The following SUCLG1 variants were observed in gnomAD, a reference collection of about 807,000 sequenced individuals.
SUCLG1 encodes the protein succinate--CoA ligase [ADP/GDP-forming] subunit alpha, mitochondrial.
Under a neutral mutation model 37.3 loss-of-function variants are expected in SUCLG1, and 26 were observed. The ratio of observed to expected loss-of-function variants is 0.70; its 90% confidence interval spans 0.51 to 0.97. The LOEUF is 0.97. Ranked by LOEUF, SUCLG1 falls within the 50% of genes least tolerant of loss-of-function variation. The pLI is 0.00. For synonymous variants in SUCLG1, 163 were observed against 155.6 expected, an observed-to-expected ratio of 1.05 and a Z score of -0.36; for missense variants, 433 against 432.9, an observed-to-expected ratio of 1.00 and a Z score of 0.00.
Position 84,449,348 on chromosome 2 carries a change from C to G in SUCLG1, c.201+301G>C, listed in dbSNP as rs6739363. On this transcript the variant is annotated intron_variant, in intron 2 of 8. Coordinates refer to ENST00000393868, the MANE Select transcript of SUCLG1 (RefSeq NM_003849.4). ...TGCTTAGTCAAAGAAACGGTGATCT[C>G]TTTCAACACTGGAGGAAAATCATTA... is the stretch of plus-strand genomic sequence containing the variant. Among the ~76,000 whole-genome samples, 8,138 of 152,190 alleles carry G rather than the reference C, an allele frequency of 0.053. 478 individuals are homozygous for G. Among genetic ancestry groups the G allele is most frequent in the African/African-American group, 0.14 (5,919 of 41,488 alleles).
At chr2:84,440,785 T>C (rs1672756311) in intron 5 of SUCLG1, among the ~76,000 whole-genome samples, 1 of 152,066 alleles carries the variant, frequency 6.6e-6, no homozygotes, top group South Asian at 2.1e-4. Flanking sequence ...CATGGAGTAA[T>C]CCACAGAGTG....
intron 1 of SUCLG1, 150 bp downstream of exon 1, chr2:84,459,023 G>T: frequency 1.3e-6 from 1 of 758,198 alleles, no homozygotes; most frequent in South Asian, 2.0e-5. Context: ...CACCGTAGGG[G>T]TCCCCGACTC....
intron 5 of SUCLG1, among the ~76,000 whole-genome samples, chr2:84,439,189 T>TAAA (rs748791525): frequency 4.1e-4 from 58 of 139,912 alleles, no homozygotes; most frequent in Admixed American, 2.6e-3. Context: ...TTCTTTTTTT[T>TAAA]AAAAAAAAAA....
rs555884621 is a variant in SUCLG1, at chr2:84,425,541, T to C, written c.888A>G (p.Arg296=). 2.0e-5 allele frequency: 32 copies of C among 1,614,236 alleles called. No homozygotes were observed. In the South Asian group the frequency reaches 3.0e-4, roughly 15 times the overall value. ...CAATAATTGCCCCGGCATGACCCAT[T>C]CTTCTCCCAGGAGGAGCAGTTAAAC... ...IAGLTAPPGR[R]MGHAGAIIAG... The change falls in exon 8 of 9, where the codon AGA becomes AGG. Residue 296 remains arginine (R), a synonymous_variant. Coordinates refer to ENST00000393868, the MANE Select transcript of SUCLG1 (RefSeq NM_003849.4).
chr2:84,430,516 G>T (rs1293237748), intron 7 of SUCLG1, among the ~76,000 whole-genome samples: 1 of 152,082 alleles, frequency 6.6e-6, no homozygotes, highest in Non-Finnish European at 1.5e-5. Flanking sequence ...CACCACAAAA[G>T]AAAATCAAGT....
At chr2:84,448,796 G>A (rs1040107858) in intron 2 of SUCLG1, 3 of 175,502 alleles carry the variant, frequency 1.7e-5, no homozygotes, top group African/African-American at 7.3e-5. Flanking sequence ...TAGAAATATG[G>A]ATTGTATATA....
intron 7 of SUCLG1, among the ~76,000 whole-genome samples, chr2:84,428,056 C>T (rs1672560520): frequency 6.6e-6 from 1 of 152,202 alleles, no homozygotes; most frequent in South Asian, 2.1e-4. Flanking sequence ...CCTGCCTCAT[C>T]TGCCACCTTT....
At chr2:84,449,617 A>C in intron 2 of SUCLG1, 32 bp downstream of exon 2, 1 of 1,379,324 alleles carries the variant, frequency 7.2e-7, no homozygotes, top group Non-Finnish European at 1.0e-6. Context: ...TCTCTAGTCT[A>C]CATTTGAAAA....
intron 1 of SUCLG1, among the ~76,000 whole-genome samples, chr2:84,452,683 T>C (rs2104267345): frequency 6.6e-6 from 1 of 152,310 alleles, no homozygotes; most frequent in African/African-American, 2.4e-5. Flanking sequence ...CTTAAATTTA[T>C]TTCAAGACTA....
At chr2:84,441,008 T>C (rs1380132609) in intron 5 of SUCLG1, 39 bp downstream of exon 5, 1 of 1,602,188 alleles carries the variant, frequency 6.2e-7, no homozygotes, top group Admixed American at 1.7e-5. Context: ...TTAAGGCAAA[T>C]AACGTTTTAA....
At chr2:84,455,663 A>T (rs1023748239) in intron 1 of SUCLG1, among the ~76,000 whole-genome samples, 1 of 151,496 alleles carries the variant, frequency 6.6e-6, no homozygotes, top group African/African-American at 2.4e-5. Context: ...GTGAAACCCC[A>T]TCTCTACTAA....
At chr2:84,458,729 G>C (rs1317014508) in intron 1 of SUCLG1, among the ~76,000 whole-genome samples, 1 of 152,074 alleles carries the variant, frequency 6.6e-6, no homozygotes, top group South Asian at 2.1e-4. Flanking sequence ...CCGTACTAGG[G>C]ACAGCCTCAT....
chr2:84,443,402 T>C lies in SUCLG1; in HGVS notation c.202-2A>G. The C allele has an allele frequency of 6.2e-7, 1 of 1,613,998 alleles. No homozygotes were observed. The highest frequency in any genetic ancestry group is 2.2e-5 in the East Asian group (1 of 44,872). ...TGCCTGCTGGCTGTGAAAGGTGCCC[T>C]GAGGGGAAAAAGCACAAGATCCATG... On this transcript the variant is annotated splice_acceptor_variant, in intron 2 of 8. Transcript: ENST00000393868. LOFTEE classifies it high-confidence loss of function.
In SUCLG1 at chr2:84,459,220, C is replaced by T. The variant is rs1673108877; in HGVS notation, c.50G>A (p.Gly17Asp). The T allele has an allele frequency of 1.3e-6, 2 of 1,550,414 alleles. No homozygotes were observed. ...ACGGGCGGCGGCGAGGCCGCTGCTGCCGGAGACCATGGTAGCGATGTCAGC... is the reference window on the plus strand; with the variant it reads ...ACGGGCGGCGGCGAGGCCGCTGCTGTCGGAGACCATGGTAGCGATGTCAGC... ...AAADIATMVS[G>D]SSGLAAARLL... Residue 17 changes from glycine to aspartate, a missense_variant, in exon 1 of 9, where the codon GGC becomes GAC. Physicochemically the swap from Gly to Asp is moderately conservative, Grantham distance 94. Transcript: ENST00000393868.
chr2:84,423,836 A>AT, intron 8 of SUCLG1, 64 bp from the exon 9 acceptor site: 1 of 1,504,980 alleles, frequency 6.6e-7, no homozygotes, highest in Non-Finnish European at 9.1e-7. Context: ...TCCAAATCAC[A>AT]TTTAGGATCA....
intron 1 of SUCLG1, among the ~76,000 whole-genome samples, chr2:84,451,777 T>C: frequency 6.6e-6 from 1 of 152,196 alleles, no homozygotes; most frequent in East Asian, 1.9e-4. Context: ...AAACCTCTAA[T>C]GCACAGGTGT....
At chr2:84,442,573 C>T (rs1039970352) in intron 3 of SUCLG1, among the ~76,000 whole-genome samples, 3 of 152,062 alleles carry the variant, frequency 2.0e-5, no homozygotes, top group African/African-American at 7.2e-5. Context: ...TCTGAGATTT[C>T]GAAAACACTG....
chr2:84,450,148 T>C (rs992987046), intron 1 of SUCLG1, among the ~76,000 whole-genome samples: 10 of 152,174 alleles, frequency 6.6e-5, no homozygotes, highest in African/African-American at 2.4e-4. Flanking sequence ...ACAGCCACGT[T>C]TCCCCACTTG....
At chr2:84,454,574 C>G (rs2104269494) in intron 1 of SUCLG1, among the ~76,000 whole-genome samples, 1 of 152,212 alleles carries the variant, frequency 6.6e-6, no homozygotes, top group South Asian at 2.1e-4. Context: ...AGGCTCAGGC[C>G]CTACCCACAT....
Sources: gnomAD v4.1 joint callset for allele counts (sites outside exome capture counted in the v4.1 genomes callset) on GRCh38, gnomAD v4.1.1 for gene constraint, MANE v1.5 for transcripts, NCBI Gene and HGNC (gene_info 2026-07-23, HGNC 2026-07-21) for gene names.